The following FARS2 variants were observed in gnomAD, a reference collection of about 807,000 sequenced individuals.
The protein encoded by FARS2 is phenylalanine--tRNA ligase, mitochondrial.
Under a neutral mutation model 46.4 loss-of-function variants are expected in FARS2, and 40 were observed. That is an observed-to-expected ratio of 0.86 (90% CI 0.67 to 1.12). The LOEUF (loss-of-function observed/expected upper bound fraction) is 1.12, where lower values mean the gene tolerates loss of function less well. FARS2 is among the 50% of genes most tolerant of loss of function. FARS2 has a pLI of 0.00. For synonymous variants in FARS2, 234 were observed against 214.9 expected (o/e 1.09, Z -0.78); for missense variants, 513 against 567.9 (o/e 0.90, Z 0.98).
Position 5,546,469 on chromosome 6 carries a change from C to T in FARS2, c.1065+1129C>T, listed in dbSNP as rs564175681. Among the ~76,000 whole-genome samples the T allele has an allele frequency of 2.0e-5, 3 of 151,564 alleles. No individual in the cohort carries two copies. The South Asian group carries it at 6.3e-4, about 32-fold the overall frequency. ...GTTTCACCATGTTGGCCAGGCTGGTCTCAAACTCCTGACCTTGTGATTCGC... is the reference window on the plus strand; with the variant it reads ...GTTTCACCATGTTGGCCAGGCTGGTTTCAAACTCCTGACCTTGTGATTCGC... On this transcript the variant is annotated intron_variant, in intron 5 of 6. Coordinates refer to ENST00000274680, the MANE Select transcript of FARS2 (RefSeq NM_006567.5).
At chr6:5,692,748 A>G (rs968997741) in intron 6 of FARS2, among the ~76,000 whole-genome samples, 4 of 152,362 alleles carry the variant, frequency 2.6e-5, no homozygotes, top group Admixed American at 2.0e-4. Context: ...GAATGTATTG[A>G]ATTTGTAACC....
chr6:5,420,664 GT>G (rs1762494219), intron 3 of FARS2, among the ~76,000 whole-genome samples: 1 of 152,192 alleles, frequency 6.6e-6, no homozygotes, highest in Non-Finnish European at 1.5e-5. Context: ...TGTTCCCATG[GT>G]TTTGGGCAGC....
At chr6:5,324,877 A>G (rs968528146) in intron 1 of FARS2, among the ~76,000 whole-genome samples, 3 of 151,966 alleles carry the variant, frequency 2.0e-5, no homozygotes, top group Non-Finnish European at 2.9e-5. Flanking sequence ...AACAGATCCC[A>G]TCCCTCCTCT....
At chr6:5,527,306 G>T (rs1287330507) in intron 4 of FARS2, among the ~76,000 whole-genome samples, 1 of 152,208 alleles carries the variant, frequency 6.6e-6, no homozygotes, top group Non-Finnish European at 1.5e-5. Flanking sequence ...ATCTCCTACA[G>T]TCATAGTGTC....
chr6:5,373,633 C>G (rs1156456809), intron 2 of FARS2, among the ~76,000 whole-genome samples: 1 of 152,098 alleles, frequency 6.6e-6, no homozygotes, highest in South Asian at 2.1e-4. Context: ...TAGTGGACTT[C>G]TTTTGTTGAA....
rs1392237638 is a variant in FARS2, at chr6:5,343,487, C to T, written c.-21-25063C>T. Among the ~76,000 whole-genome samples, 2 of 152,194 alleles carry T rather than the reference C, an allele frequency of 1.3e-5. No individual in the cohort carries two copies. The highest frequency in any genetic ancestry group is 4.8e-5 in the African/African-American group (2 of 41,448). On this transcript the variant is annotated intron_variant, in intron 1 of 6. Coordinates refer to ENST00000274680, the MANE Select transcript of FARS2 (RefSeq NM_006567.5). This position sits in a 1 kb window ranked among gnomAD's most constrained non-coding sequence, Gnocchi z 4.5. ...TCGGCCTCTGAAAGTGCTGGGATTA[C>T]AGGCGTGAACCACCGCGCCTGGCCT...
the FARS2 span, among the ~76,000 whole-genome samples, chr6:5,250,430 A>T: frequency 2.0e-5 from 3 of 152,172 alleles, no homozygotes; most frequent in Admixed American, 6.5e-5. Flanking sequence ...CTCAATCTAA[A>T]TATCTTAAAT....
intron 4 of FARS2, among the ~76,000 whole-genome samples, chr6:5,436,035 A>C (rs1763501324): frequency 8.0e-6 from 1 of 124,712 alleles, no homozygotes; most frequent in South Asian, 2.5e-4. Flanking sequence ...CCTGCTTTTG[A>C]AAATATCACA....
intron 1 of FARS2, among the ~76,000 whole-genome samples, chr6:5,341,146 A>G (rs1434230555): frequency 1.5e-5 from 2 of 129,890 alleles, no homozygotes; most frequent in Admixed American, 8.7e-5. Flanking sequence ...TCATATGCAC[A>G]CGTTGTTTCA....
intron 6 of FARS2, among the ~76,000 whole-genome samples, chr6:5,726,765 C>T (rs990245489): frequency 6.6e-6 from 1 of 152,172 alleles, no homozygotes; most frequent in Non-Finnish European, 1.5e-5. Context: ...CCCCTCTGCC[C>T]TCTTTAAGCC....
At chr6:5,636,573 C>T (rs914720726) in intron 6 of FARS2, among the ~76,000 whole-genome samples, 2 of 152,226 alleles carry the variant, frequency 1.3e-5, no homozygotes, top group Non-Finnish European at 2.9e-5. Flanking sequence ...TGAGCAGCAG[C>T]AAGGCAAAGA....
intron 5 of FARS2, among the ~76,000 whole-genome samples, chr6:5,552,036 G>A (rs1485877024): frequency 7.2e-5 from 11 of 152,092 alleles, no homozygotes; most frequent in Admixed American, 7.2e-4. Context: ...GTGGAAGGGG[G>A]CTATTATTTA....
chr6:5,486,022 G>A (rs895889243), intron 4 of FARS2, among the ~76,000 whole-genome samples: 28 of 152,170 alleles, frequency 1.8e-4, no homozygotes, highest in African/African-American at 6.5e-4. Flanking sequence ...ACTTAGACTA[G>A]TTATTCATTA....
In FARS2 at chr6:5,770,078, G is replaced by T. The variant is rs145995581; in HGVS notation, c.1218-1213G>T. Among the ~76,000 whole-genome samples the T allele has an allele frequency of 1.3e-4, 20 of 152,286 alleles. No individual in the cohort carries two copies. In the East Asian group the frequency reaches 2.5e-3, roughly 19 times the overall value. On this transcript the variant is annotated intron_variant, in intron 6 of 6. Coordinates refer to ENST00000274680, the MANE Select transcript of FARS2 (RefSeq NM_006567.5). The stretch of plus-strand genomic sequence containing the variant: ...AGGGAGAGGGAGAGGAAAGAGGAGA[G>T]AATCCAGTGAGACCAATCCATGAAG...
intron 5 of FARS2, among the ~76,000 whole-genome samples, chr6:5,561,150 CAAA>C (rs1326033539): frequency 6.6e-6 from 1 of 151,810 alleles, no homozygotes; most frequent in Non-Finnish European, 1.5e-5. Flanking sequence ...AACAAACAAA[CAAA>C]AAAAGTATTG....
intron 1 of FARS2, among the ~76,000 whole-genome samples, chr6:5,363,313 A>G (rs1170667255): frequency 6.6e-6 from 1 of 152,116 alleles, no homozygotes; most frequent in East Asian, 1.9e-4. Flanking sequence ...TTTCCCAGAT[A>G]CATGGCTTGT....
upstream of FARS2, chr6:5,260,748 AAAAT>A (rs1454088040): frequency 1.3e-6 from 2 of 1,543,806 alleles, no homozygotes; most frequent in African/African-American, 1.4e-5. Flanking sequence ...GAAAGAAAAA[AAAAT>A]AAACGGGTCC....
chr6:5,660,133 C>T (rs1484708794), intron 6 of FARS2, among the ~76,000 whole-genome samples: 5 of 152,176 alleles, frequency 3.3e-5, no homozygotes, highest in African/African-American at 9.7e-5. Context: ...TTGTCCCCTT[C>T]GTTGATTAGT....
At chr6:5,390,856 G>C (rs2127689735) in intron 2 of FARS2, among the ~76,000 whole-genome samples, 1 of 152,252 alleles carries the variant, frequency 6.6e-6, no homozygotes. Context: ...GAATAATGTG[G>C]AACATGATCA....
Sources: allele counts gnomAD v4.1 joint callset (sites outside exome capture counted in the v4.1 genomes callset), GRCh38; gene constraint gnomAD v4.1.1; non-coding constraint Gnocchi (gnomAD v3.1); transcripts MANE v1.5; gene names NCBI Gene and HGNC (gene_info 2026-07-23, HGNC 2026-07-21).